AFF3: variants seen among roughly 807,000 people sequenced by gnomAD.
The protein encoded by AFF3 is AF4/FMR2 family member 3.
Under a neutral mutation model 129.7 loss-of-function variants are expected in AFF3, and 32 were observed. The observed-to-expected ratio is 0.25, with a 90% CI of 0.19 to 0.33. The LOEUF (loss-of-function observed/expected upper bound fraction) is 0.33, where lower values mean the gene tolerates loss of function less well. Among genes scored for constraint, AFF3 ranks in the 10% least tolerant of loss-of-function variants. The probability of loss-of-function intolerance (pLI) is 1.00; values close to 1 mark genes in which losing one functional copy is unlikely to be tolerated. For missense variants in AFF3, 1,373 were observed against 1,592.0 expected, an observed-to-expected ratio of 0.86 and a Z score of 2.34; for synonymous variants, 644 against 635.4, an observed-to-expected ratio of 1.01 and a Z score of -0.20.
At chr2:99,979,875 T>C (rs543677790) in intron 7 of AFF3, among the ~76,000 whole-genome samples, 1 of 152,290 alleles carries the variant, frequency 6.6e-6, no homozygotes, top group Non-Finnish European at 1.5e-5. Context: ...AAATCCACTA[T>C]CTGAACTCCA....
At chr2:99,775,344 G>A (rs570556313) in intron 8 of AFF3, among the ~76,000 whole-genome samples, 1 of 152,314 alleles carries the variant, frequency 6.6e-6, no homozygotes, top group East Asian at 1.9e-4. Flanking sequence ...AGAAAATGTG[G>A]TACATATACA....
chr2:99,646,079 A>G (rs1176435388), intron 13 of AFF3, among the ~76,000 whole-genome samples: 2 of 152,226 alleles, frequency 1.3e-5, no homozygotes, highest in African/African-American at 4.8e-5. Flanking sequence ...ACAGATAACA[A>G]AAACTGGCTT....
chr2:99,697,517 A>G (rs1315774130), intron 11 of AFF3, among the ~76,000 whole-genome samples: 1 of 152,276 alleles, frequency 6.6e-6, no homozygotes, highest in Non-Finnish European at 1.5e-5. Flanking sequence ...TTTGTAAAAT[A>G]CTAAACTAGG....
intron 15 of AFF3, among the ~76,000 whole-genome samples, chr2:99,591,258 C>T (rs1678651731): frequency 6.6e-6 from 1 of 152,058 alleles, no homozygotes; most frequent in Non-Finnish European, 1.5e-5. Context: ...ATGATCTTGG[C>T]TCACTGCAAC....
intron 7 of AFF3, among the ~76,000 whole-genome samples, chr2:99,859,493 C>G (rs955528471): frequency 6.6e-6 from 1 of 152,114 alleles, no homozygotes; most frequent in African/African-American, 2.4e-5. Context: ...ACCAGGTTTG[C>G]GAAACCCTGA....
rs138116761 is a variant in AFF3 at position 99,589,023 on chromosome 2, G to T, written c.2467-1745C>A. On this transcript the variant is annotated intron_variant, in intron 15 of 24. Transcript: ENST00000672756. ...CAACTATTTAAACACAGAATATTAC[G>T]GAATTTTATGTAAGTCTTTCTGCAC... 2.0e-5 allele frequency among the ~76,000 whole-genome samples: 3 copies of T among 152,266 alleles called. No individual in the cohort carries two copies. In the East Asian group the frequency reaches 5.8e-4, roughly 29 times the overall value.
chr2:99,610,098 C>A (rs565758435), intron 13 of AFF3, among the ~76,000 whole-genome samples: 13 of 152,320 alleles, frequency 8.5e-5, no homozygotes, highest in Admixed American at 5.2e-4. Flanking sequence ...TAGATAACCA[C>A]CTTTAACTGT....
At chr2:99,948,166 T>A (rs1362711945) in intron 7 of AFF3, among the ~76,000 whole-genome samples, 1 of 152,202 alleles carries the variant, frequency 6.6e-6, no homozygotes, top group African/African-American at 2.4e-5. Flanking sequence ...GAGGCTGCTG[T>A]ACAGGTCACC....
intron 7 of AFF3, among the ~76,000 whole-genome samples, chr2:99,961,991 G>C (rs1270542715): frequency 6.6e-6 from 1 of 152,108 alleles, no homozygotes; most frequent in Non-Finnish European, 1.5e-5. Context: ...CCATGCAAGG[G>C]GGATCACCCA....
chr2:99,838,505 C>T (rs774447391), intron 7 of AFF3, among the ~76,000 whole-genome samples: 5 of 152,156 alleles, frequency 3.3e-5, no homozygotes, highest in Non-Finnish European at 5.9e-5. Context: ...AGTCATCCTT[C>T]GAACAGCAGC....
At chr2:100,064,414 A>T (rs1266661178) in intron 4 of AFF3, among the ~76,000 whole-genome samples, 2 of 152,218 alleles carry the variant, frequency 1.3e-5, no homozygotes, top group East Asian at 3.8e-4. Context: ...CATGTCTTCA[A>T]TGGGCAAGGA....
intron 8 of AFF3, among the ~76,000 whole-genome samples, chr2:99,794,191 G>A (rs1685409162): frequency 6.6e-6 from 1 of 152,128 alleles, no homozygotes; most frequent in East Asian, 1.9e-4. Context: ...CTTTTGCTAT[G>A]GGTCACATTT....
chr2:99,843,938 G>T (rs1272500133), intron 7 of AFF3, among the ~76,000 whole-genome samples: 3 of 152,194 alleles, frequency 2.0e-5, no homozygotes, highest in Admixed American at 6.5e-5. Context: ...GCTGAGGCAG[G>T]AGAATCACTT....
rs182409484 is a variant in AFF3 at position 100,093,756 on chromosome 2, G to A, written c.53+10646C>T. On this transcript the variant is annotated intron_variant, in intron 4 of 24. Coordinates refer to ENST00000672756, the MANE Select transcript of AFF3 (RefSeq NM_001386135.1). ...CTGCAAAAAACTCAGCAGGCTCCAA[G>A]TCAAACTCTGTCCTGGGCTCTACAA... 1.9e-3 allele frequency among the ~76,000 whole-genome samples: 285 copies of A among 152,248 alleles called. 3 individuals carry two copies. The highest frequency in any genetic ancestry group is 6.4e-3 in the African/African-American group (267 of 41,550).
chr2:99,604,266 C>T, intron 13 of AFF3, among the ~76,000 whole-genome samples: 1 of 151,990 alleles, frequency 6.6e-6, no homozygotes, highest in East Asian at 1.9e-4. Context: ...ATGTGGTACA[C>T]ATATACCATG....
intron 2 of AFF3, among the ~76,000 whole-genome samples, chr2:100,114,939 A>T (rs1691679441): frequency 6.6e-6 from 1 of 152,242 alleles, no homozygotes; most frequent in Admixed American, 6.5e-5. Context: ...TTGGGGTGGA[A>T]ATGTCAAATT....
chr2:99,598,153 C>G (rs3792130), intron 14 of AFF3, among the ~76,000 whole-genome samples: 130,180 of 152,214 alleles, frequency 0.86, 55,801 homozygotes, highest in East Asian at 0.93. Flanking sequence ...GTAAGGGTTG[C>G]GTGATGATTC....
At chr2:99,795,729 G>A (rs1685517269) in intron 8 of AFF3, among the ~76,000 whole-genome samples, 2 of 151,288 alleles carry the variant, frequency 1.3e-5, no homozygotes, top group South Asian at 4.2e-4. Context: ...CTTACGTGTA[G>A]CAACTCTCCT....
chr2:99,628,246 G>C (rs539685013), intron 13 of AFF3, among the ~76,000 whole-genome samples: 1 of 152,238 alleles, frequency 6.6e-6, no homozygotes, highest in South Asian at 2.1e-4. Flanking sequence ...CTTGGGCAGT[G>C]GTTTGTAGTT....
Sources: gnomAD v4.1 joint callset for allele counts (sites outside exome capture counted in the v4.1 genomes callset) on GRCh38, gnomAD v4.1.1 for gene constraint, MANE v1.5 for transcripts, NCBI Gene and HGNC (gene_info 2026-07-23, HGNC 2026-07-21) for gene names.